ALOX5AP: variants seen among roughly 807,000 people sequenced by gnomAD.
ALOX5AP encodes arachidonate 5-lipoxygenase-activating protein.
A neutral mutation model predicts 18.5 loss-of-function variants in ALOX5AP; 9 were observed. That is an observed-to-expected ratio of 0.49 (90% CI 0.29 to 0.85). The LOEUF (loss-of-function observed/expected upper bound fraction) is 0.85, where lower values mean the gene tolerates loss of function less well. ALOX5AP is among the 40% of genes least tolerant of loss of function. ALOX5AP has a pLI of 0.08. For synonymous variants in ALOX5AP, 81 were observed against 78.6 expected, an observed-to-expected ratio of 1.03 and a Z score of -0.16; for missense variants, 172 against 202.5, an observed-to-expected ratio of 0.85 and a Z score of 0.91.
chr13:30,757,813 A>T (rs1424764178), intron 4 of ALOX5AP, among the ~76,000 whole-genome samples: 1 of 152,222 alleles, frequency 6.6e-6, no homozygotes, highest in African/African-American at 2.4e-5. Context: ...GAATGAACAG[A>T]GGTGGCAAAA....
chr13:30,749,738 G>A (rs1293386610), intron 2 of ALOX5AP, among the ~76,000 whole-genome samples: 2 of 152,140 alleles, frequency 1.3e-5, no homozygotes, highest in Non-Finnish European at 2.9e-5. Flanking sequence ...CCTGTTCCTG[G>A]TTTTTGGTTG....
intron 1 of ALOX5AP, among the ~76,000 whole-genome samples, chr13:30,729,239 G>T (rs1452122401): frequency 6.6e-6 from 1 of 151,600 alleles, no homozygotes; most frequent in Non-Finnish European, 1.5e-5. Context: ...TTTCTCCTAT[G>T]TTTTCTTTTG....
chr13:30,738,779 T>C (rs796732459), intron 1 of ALOX5AP, among the ~76,000 whole-genome samples: 6 of 152,266 alleles, frequency 3.9e-5, no homozygotes, highest in African/African-American at 1.4e-4. Context: ...CTGCTCTGGT[T>C]GTAGGGGGAG....
At chr13:30,736,568 A>C (rs1321828224) in intron 1 of ALOX5AP, among the ~76,000 whole-genome samples, 1 of 152,186 alleles carries the variant, frequency 6.6e-6, no homozygotes, top group Non-Finnish European at 1.5e-5. Flanking sequence ...GAACATTGAC[A>C]TGCTGTCACG....
At chr13:30,748,463 G>A (rs1363437831) in intron 2 of ALOX5AP, among the ~76,000 whole-genome samples, 1 of 152,200 alleles carries the variant, frequency 6.6e-6, no homozygotes, top group Non-Finnish European at 1.5e-5. Context: ...CATGAATAGT[G>A]CAGCACATCA....
chr13:30,717,420 G>C (rs1209824758), intron 1 of ALOX5AP, among the ~76,000 whole-genome samples: 1 of 152,206 alleles, frequency 6.6e-6, no homozygotes, highest in African/African-American at 2.4e-5. Context: ...TCTACTGGGA[G>C]ATAGTGTCAG....
At chr13:30,753,472 T>C (rs1316299617) in intron 3 of ALOX5AP, among the ~76,000 whole-genome samples, 1 of 152,240 alleles carries the variant, frequency 6.6e-6, no homozygotes, top group East Asian at 1.9e-4. Flanking sequence ...AGGTGTTTCG[T>C]AGCCCTGGAA....
chr13:30,746,210 G>T (rs1438647928), intron 2 of ALOX5AP, among the ~76,000 whole-genome samples: 1 of 152,234 alleles, frequency 6.6e-6, no homozygotes, highest in Non-Finnish European at 1.5e-5. Context: ...GTCGTTGTGG[G>T]GTGCCAGAGA....
At chr13:30,726,579 G>T (rs536834357) in intron 1 of ALOX5AP, among the ~76,000 whole-genome samples, 1 of 152,342 alleles carries the variant, frequency 6.6e-6, no homozygotes, top group South Asian at 2.1e-4. Context: ...GTGGAAGGTA[G>T]TTATAAATGT....
intron 4 of ALOX5AP, 25 bp from the exon 5 acceptor site, chr13:30,763,919 A>G (rs371364329): frequency 3.7e-6 from 6 of 1,607,440 alleles, no homozygotes; most frequent in African/African-American, 1.3e-5. Context: ...CTGCATCTAC[A>G]GTTTTCTTTT....
chr13:30,746,156 T>C (rs1156244911), intron 2 of ALOX5AP, among the ~76,000 whole-genome samples: 1 of 152,224 alleles, frequency 6.6e-6, no homozygotes, highest in East Asian at 1.9e-4. Context: ...CTTTGGTTGG[T>C]GGCTATGCTG....
At chr13:30,732,583 C>T (rs889958817), upstream of ALOX5AP, among the ~76,000 whole-genome samples, 6 of 152,158 alleles carry the variant, frequency 3.9e-5, no homozygotes, top group African/African-American at 1.4e-4. Flanking sequence ...ATTCTCCTGC[C>T]ATCTGGTTGA....
intron 1 of ALOX5AP, among the ~76,000 whole-genome samples, chr13:30,723,810 G>C (rs1951615055): frequency 6.6e-6 from 1 of 151,996 alleles, no homozygotes; most frequent in Non-Finnish European, 1.5e-5. Context: ...ATGTTGCCCA[G>C]GCTGGCTTTG....
chr13:30,752,227 C>A, intron 3 of ALOX5AP, 105 bp downstream of exon 3: 1 of 1,205,068 alleles, frequency 8.3e-7, no homozygotes, highest in South Asian at 1.3e-5. Flanking sequence ...CCTCTGGCTC[C>A]CATCTGTGAA....
intron 1 of ALOX5AP, among the ~76,000 whole-genome samples, chr13:30,722,712 C>G (rs574982697): frequency 2.9e-4 from 44 of 152,332 alleles, no homozygotes; most frequent in African/African-American, 9.6e-4. Context: ...GAGGCAGGGC[C>G]TAGTAGGAGG....
rs549566661 is a variant in ALOX5AP at position 30,720,112 on chromosome 13, G to A, written c.116+6271G>A. Among the ~76,000 whole-genome samples the A allele has an allele frequency of 2.6e-4, 39 of 152,248 alleles. No individual in the cohort carries two copies. The East Asian group carries it at 3.9e-3, about 15-fold the overall frequency. On this transcript the variant is annotated intron_variant, in intron 1 of 5. Transcript: ENST00000617770. ...CTTGACCTCATGATCCGCCCACCTC[G>A]GCCTCCCAAAGTGCTGGGATTACAG...
upstream of ALOX5AP, among the ~76,000 whole-genome samples, chr13:30,733,988 C>T (rs1015271153): frequency 5.3e-5 from 8 of 152,196 alleles, no homozygotes; most frequent in African/African-American, 1.9e-4. Context: ...TGAATGCAGA[C>T]TGGTCTCCAC....
At chr13:30,752,715 C>T (rs528494065) in intron 3 of ALOX5AP, among the ~76,000 whole-genome samples, 9 of 152,332 alleles carry the variant, frequency 5.9e-5, no homozygotes, top group African/African-American at 2.2e-4. Context: ...GGTGGCAGAT[C>T]GGCATGAACT....
intron 1 of ALOX5AP, among the ~76,000 whole-genome samples, chr13:30,720,985 G>A (rs950210846): frequency 7.9e-5 from 12 of 152,158 alleles, no homozygotes; most frequent in Non-Finnish European, 1.3e-4. Flanking sequence ...GTCCCAAGAT[G>A]AGGTGTGGTT....
Sources: allele counts gnomAD v4.1 joint callset (sites outside exome capture counted in the v4.1 genomes callset), GRCh38; gene constraint gnomAD v4.1.1; transcripts MANE v1.5; gene names NCBI Gene and HGNC (gene_info 2026-07-23, HGNC 2026-07-21).